RALGAPA2: variants seen among roughly 807,000 people sequenced by gnomAD.
RALGAPA2 encodes Ral GTPase activating protein catalytic subunit alpha 2.
RALGAPA2 carries 139 observed loss-of-function variants against 230.4 expected under a neutral mutation model. That is an observed-to-expected ratio of 0.60 (90% CI 0.53 to 0.69). RALGAPA2 has a LOEUF of 0.69. Ranked by LOEUF, RALGAPA2 falls within the 30% of genes least tolerant of loss-of-function variation. The pLI, the probability that RALGAPA2 is intolerant of heterozygous loss-of-function variation, is 0.00. For synonymous variants in RALGAPA2, 847 were observed against 837.8 expected, an observed-to-expected ratio of 1.01 and a Z score of -0.19; for missense variants, 2,163 against 2,276.0, an observed-to-expected ratio of 0.95 and a Z score of 1.01.
intron 4 of RALGAPA2, among the ~76,000 whole-genome samples, chr20:20,651,633 C>T (rs2067400986): frequency 6.6e-6 from 1 of 152,168 alleles, no homozygotes; most frequent in Non-Finnish European, 1.5e-5. Context: ...AATAATACTA[C>T]ACACTGCCTA....
chr20:20,664,302 T>C (rs1200924356), intron 3 of RALGAPA2, among the ~76,000 whole-genome samples: 3 of 152,158 alleles, frequency 2.0e-5, no homozygotes, highest in Non-Finnish European at 4.4e-5. Context: ...AGGCAGCACT[T>C]AATAGATTTC....
At chr20:20,558,081 T>C (rs1004929351) in intron 23 of RALGAPA2, among the ~76,000 whole-genome samples, 2 of 152,196 alleles carry the variant, frequency 1.3e-5, no homozygotes, top group Admixed American at 6.5e-5. Flanking sequence ...CTCGGCTCAC[T>C]GCAACCTCCA....
Position 20,642,270 on chromosome 20 carries a change from G to C in RALGAPA2, c.372+1236C>G, listed in dbSNP as rs189031533. Among the ~76,000 whole-genome samples the C allele has an allele frequency of 1.6e-3, 236 of 152,122 alleles. 1 individual carries two copies. Among genetic ancestry groups the C allele is most frequent in the South Asian group, 6.4e-3 (31 of 4,814 alleles). On this transcript the variant is annotated intron_variant, in intron 5 of 39. Transcript: ENST00000202677. Reference sequence around the variant, plus strand: ...CTGTTGCCCAGGCTGGAGTGCAGTGGCATGATCTCAGCTCACTGCAACCTC... The same window carrying C: ...CTGTTGCCCAGGCTGGAGTGCAGTGCCATGATCTCAGCTCACTGCAACCTC...
intron 16 of RALGAPA2, among the ~76,000 whole-genome samples, chr20:20,595,529 T>C (rs1447692549): frequency 1.3e-5 from 2 of 152,220 alleles, no homozygotes; most frequent in Non-Finnish European, 2.9e-5. Context: ...CATTCCAATA[T>C]GCTTTTTTAG....
Position 20,639,837 on chromosome 20 carries a change from T to C in RALGAPA2, c.614A>G (p.Glu205Gly). ...TTGAAGAAAAAAGCAGGTTTGGTCC[T>C]CAGCAATCTTCTCCCCTGATATGGC... ...LPAISGEKIA[E>G]DQTCFFLQIL... is the part of the protein sequence containing the mutation. The change falls in exon 7 of 40, where the codon GAG becomes GGG. Residue 205 changes from glutamate to glycine, a missense_variant. Coordinates refer to ENST00000202677, the MANE Select transcript of RALGAPA2 (RefSeq NM_020343.4). 6.2e-7 allele frequency: 1 copy of C among 1,613,816 alleles called. No individual in the cohort carries two copies. The highest frequency in any genetic ancestry group is 8.5e-7 in the Non-Finnish European group (1 of 1,179,714).
At chr20:20,660,400 TGA>T (rs1354041568) in intron 3 of RALGAPA2, among the ~76,000 whole-genome samples, 4 of 152,210 alleles carry the variant, frequency 2.6e-5, no homozygotes, top group African/African-American at 9.6e-5. Context: ...CTGACCTGTC[TGA>T]GAGATCAGAT....
intron 26 of RALGAPA2, 55 bp from the exon 27 acceptor site, chr20:20,531,850 T>C: frequency 1.5e-6 from 2 of 1,292,566 alleles, no homozygotes; most frequent in Non-Finnish European, 2.2e-6. Context: ...ATATACTTTC[T>C]CAGTATTTTC....
rs73289164 is a variant in RALGAPA2 at position 20,502,424 on chromosome 20, C to T, written c.5208+927G>A. Among the ~76,000 whole-genome samples the T allele has an allele frequency of 9.5e-3, 1,443 of 152,310 alleles. 17 individuals are homozygous for T. Among genetic ancestry groups the T allele is most frequent in the African/African-American group, 0.033 (1,370 of 41,568 alleles). ...TGGTCAGAGACATCTTCCCAGGCACCGTGCTAAGCAATTTTATAGGAATTA... is the reference window on the plus strand; with the variant it reads ...TGGTCAGAGACATCTTCCCAGGCACTGTGCTAAGCAATTTTATAGGAATTA... On this transcript the variant is annotated intron_variant, in intron 35 of 39. Coordinates refer to ENST00000202677, the MANE Select transcript of RALGAPA2 (RefSeq NM_020343.4).
chr20:20,685,726 G>A (rs752885183), intron 1 of RALGAPA2, among the ~76,000 whole-genome samples: 3 of 152,170 alleles, frequency 2.0e-5, no homozygotes, highest in Non-Finnish European at 2.9e-5. Context: ...TAAGAAACAG[G>A]ACTGAGTGAC....
intron 30 of RALGAPA2, among the ~76,000 whole-genome samples, chr20:20,521,745 TC>T (rs1459680801): frequency 1.3e-5 from 2 of 152,168 alleles, no homozygotes; most frequent in Non-Finnish European, 2.9e-5. Flanking sequence ...GTAACAGATT[TC>T]CCTTTTTAAT....
At chr20:20,653,968 T>C (rs947171132) in intron 3 of RALGAPA2, among the ~76,000 whole-genome samples, 8 of 152,188 alleles carry the variant, frequency 5.3e-5, no homozygotes, top group Non-Finnish European at 8.8e-5. Flanking sequence ...TTCATTATAA[T>C]CACTATTAGT....
intron 1 of RALGAPA2, among the ~76,000 whole-genome samples, chr20:20,689,250 CCAT>C (rs1475702509): frequency 1.3e-4 from 20 of 152,190 alleles, no homozygotes; most frequent in Middle Eastern, 3.2e-3. Flanking sequence ...GGAATTATCA[CCAT>C]CATATTTGTT....
intron 14 of RALGAPA2, among the ~76,000 whole-genome samples, chr20:20,610,586 C>T (rs1238704845): frequency 6.6e-6 from 1 of 152,186 alleles, no homozygotes; most frequent in Non-Finnish European, 1.5e-5. Context: ...AGCAAACATA[C>T]TTTAGTACCA....
intron 39 of RALGAPA2, among the ~76,000 whole-genome samples, chr20:20,394,889 C>CAAAAAAAAAAAAA (rs10673778): frequency 4.3e-4 from 19 of 44,618 alleles, no homozygotes; most frequent in East Asian, 7.7e-4. Flanking sequence ...AATAAATAAG[C>CAAAAAAAAAAAAA]AAAAAAAAAA....
chr20:20,510,220 G>C (rs1278588413), intron 33 of RALGAPA2, among the ~76,000 whole-genome samples: 1 of 152,146 alleles, frequency 6.6e-6, no homozygotes, highest in East Asian at 1.9e-4. Context: ...GTGGATGAAG[G>C]ATTTAATGAA....
intron 26 of RALGAPA2, among the ~76,000 whole-genome samples, chr20:20,532,120 T>C (rs2063382862): frequency 6.6e-6 from 1 of 152,226 alleles, no homozygotes; most frequent in South Asian, 2.1e-4. Context: ...CAAGATATTT[T>C]TGAGGAAGAA....
intron 36 of RALGAPA2, among the ~76,000 whole-genome samples, chr20:20,478,130 A>G (rs6046895): frequency 0.018 from 2,794 of 152,322 alleles, 98 homozygotes; most frequent in East Asian, 0.14. Context: ...ACAAACCTCT[A>G]TGTTTAGAAA....
intron 23 of RALGAPA2, among the ~76,000 whole-genome samples, chr20:20,558,116 T>C (rs1345128197): frequency 6.6e-6 from 1 of 152,192 alleles, no homozygotes. Flanking sequence ...GCAATTCTCT[T>C]GCCTCAGCCT....
intron 37 of RALGAPA2, among the ~76,000 whole-genome samples, chr20:20,460,297 T>C (rs1227559545): frequency 6.6e-6 from 1 of 152,250 alleles, no homozygotes; most frequent in Non-Finnish European, 1.5e-5. Context: ...GGGATTATTT[T>C]CCTCATTTTA....
Sources: gnomAD v4.1 joint callset for allele counts (sites outside exome capture counted in the v4.1 genomes callset) on GRCh38, gnomAD v4.1.1 for gene constraint, MANE v1.5 for transcripts, NCBI Gene and HGNC (gene_info 2026-07-23, HGNC 2026-07-21) for gene names.